TNKS: variants seen among roughly 807,000 people sequenced by gnomAD.
The protein encoded by TNKS is poly [ADP-ribose] polymerase tankyrase-1.
In TNKS, 72 loss-of-function variants were observed where a neutral mutation model predicts 135.8. The observed-to-expected ratio is 0.53, with a 90% CI of 0.44 to 0.64. TNKS has a LOEUF of 0.64. Ranked by LOEUF, TNKS falls within the 30% of genes least tolerant of loss-of-function variation. TNKS has a pLI of 0.00. For synonymous variants in TNKS, 849 were observed against 649.3 expected, an observed-to-expected ratio of 1.31 and a Z score of -4.68; for missense variants, 1,769 against 1,674.0, an observed-to-expected ratio of 1.06 and a Z score of -0.99.
At chr8:9,691,363 C>T (rs891024168) in intron 5 of TNKS, among the ~76,000 whole-genome samples, 1 of 152,172 alleles carries the variant, frequency 6.6e-6, no homozygotes, top group Non-Finnish European at 1.5e-5. Flanking sequence ...AACAGTCACA[C>T]TGTCATTATT....
rs181365748 is a variant in TNKS, at chr8:9,642,040, T to A, written c.994+26363T>A. Among the ~76,000 whole-genome samples, 5 of 146,514 alleles carry A rather than the reference T, an allele frequency of 3.4e-5. 2 individuals carry two copies. Among genetic ancestry groups the A allele is most frequent in the African/African-American group, 5.0e-5 (2 of 39,648 alleles). ...AACAGTTGCTTCTTTACAAGCTTGA[T>A]GTAGAAGTGTTTGGCTTAAATCTTT... On this transcript the variant is annotated intron_variant, in intron 3 of 26. Coordinates refer to ENST00000310430, the MANE Select transcript of TNKS (RefSeq NM_003747.3).
chr8:9,773,244 TA>T (rs1808042314), intron 26 of TNKS, among the ~76,000 whole-genome samples: 1 of 152,074 alleles, frequency 6.6e-6, no homozygotes, highest in African/African-American at 2.4e-5. Flanking sequence ...CTTATCACAA[TA>T]AAAAATTTAA....
intron 3 of TNKS, among the ~76,000 whole-genome samples, chr8:9,654,941 G>A (rs544605937): frequency 6.6e-6 from 1 of 152,312 alleles, no homozygotes; most frequent in South Asian, 2.1e-4. Context: ...GCCGAAGCAG[G>A]GTGAGGCATC....
At position 9,730,931 on chromosome 8, in the gene TNKS, G is replaced by A. The variant is rs760815674; in HGVS notation, c.2043G>A (p.Glu681=). The A allele has an allele frequency of 6.2e-7, 1 of 1,614,030 alleles. No homozygotes were observed. ...AAAATGTGAATTGTAGAGACTTAGAGGGCCGGCATTCCACGCCCTTACACT... is the reference window on the plus strand; with the variant it reads ...AAAATGTGAATTGTAGAGACTTAGAAGGCCGGCATTCCACGCCCTTACACT... ...SSQNVNCRDL[E]GRHSTPLHFA... is the part of the protein sequence containing the mutation. Residue 681 remains glutamate, a synonymous_variant, in exon 14 of 27, where the codon GAG becomes GAA. Transcript: ENST00000310430.
At chr8:9,621,823 T>G (rs909942890) in intron 3 of TNKS, among the ~76,000 whole-genome samples, 6 of 152,184 alleles carry the variant, frequency 3.9e-5, no homozygotes, top group African/African-American at 1.4e-4. Flanking sequence ...AAATCTTACC[T>G]TACTTATTAA....
chr8:9,669,198 C>T (rs1406902400), intron 3 of TNKS, among the ~76,000 whole-genome samples: 1 of 150,740 alleles, frequency 6.6e-6, no homozygotes, highest in East Asian at 1.9e-4. Flanking sequence ...GCGGGTGGAT[C>T]ATGAGGTCAG....
At chr8:9,661,650 A>G (rs1801718297) in intron 3 of TNKS, among the ~76,000 whole-genome samples, 1 of 152,316 alleles carries the variant, frequency 6.6e-6, no homozygotes, top group South Asian at 2.1e-4. Context: ...AACCTAGGCA[A>G]TACCATTCGG....
At chr8:9,606,888 C>G (rs1259631809) in intron 2 of TNKS, among the ~76,000 whole-genome samples, 1 of 152,008 alleles carries the variant, frequency 6.6e-6, no homozygotes, top group African/African-American at 2.4e-5. Flanking sequence ...TGGTTTTAAG[C>G]TTTGTTAGTG....
intron 8 of TNKS, among the ~76,000 whole-genome samples, chr8:9,707,908 G>A (rs560798203): frequency 6.6e-5 from 10 of 152,278 alleles, no homozygotes; most frequent in African/African-American, 2.4e-4. Flanking sequence ...GGTGGCAATA[G>A]TAGTAGCAAG....
intron 1 of TNKS, among the ~76,000 whole-genome samples, chr8:9,574,125 G>C (rs1797857367): frequency 6.6e-6 from 1 of 152,208 alleles, no homozygotes; most frequent in South Asian, 2.1e-4. Context: ...TTCACTGCCA[G>C]CACACCACAT....
chr8:9,601,128 A>G (rs1247730591), intron 2 of TNKS, among the ~76,000 whole-genome samples: 1 of 152,246 alleles, frequency 6.6e-6, no homozygotes, highest in African/African-American at 2.4e-5. Context: ...TATGTAATAA[A>G]TACTAAAACA....
At chr8:9,569,474 G>A (rs1334731630) in intron 1 of TNKS, among the ~76,000 whole-genome samples, 2 of 152,140 alleles carry the variant, frequency 1.3e-5, no homozygotes, top group Admixed American at 6.5e-5. Context: ...TATATAGTCA[G>A]TACTATTTTG....
intron 17 of TNKS, among the ~76,000 whole-genome samples, chr8:9,743,799 G>T (rs979633760): frequency 3.3e-5 from 5 of 152,134 alleles, no homozygotes; most frequent in Admixed American, 6.5e-5. Flanking sequence ...CACAGTTCCT[G>T]TACTAAGCCA....
chr8:9,566,515 T>C (rs1797546960), intron 1 of TNKS: 1 of 152,088 alleles, frequency 6.6e-6, no homozygotes. Flanking sequence ...AAGTAAACTT[T>C]TTGAGTTAAC....
chr8:9,696,191 T>C (rs1022462642), intron 5 of TNKS, among the ~76,000 whole-genome samples: 2 of 151,986 alleles, frequency 1.3e-5, no homozygotes, highest in Non-Finnish European at 2.9e-5. Context: ...TTAGACAATG[T>C]AGAAAAGAGG....
intron 1 of TNKS, among the ~76,000 whole-genome samples, chr8:9,559,597 C>A (rs879357779): frequency 6.6e-6 from 1 of 151,942 alleles, no homozygotes; most frequent in Admixed American, 6.6e-5. Flanking sequence ...CAGCCTCCCC[C>A]ATCCCTACCC....
intron 3 of TNKS, among the ~76,000 whole-genome samples, chr8:9,678,022 G>A (rs759865465): frequency 6.6e-6 from 1 of 152,020 alleles, no homozygotes; most frequent in Non-Finnish European, 1.5e-5. Flanking sequence ...ATTTACACTG[G>A]CTGGTAAGCT....
At chr8:9,613,222 G>T (rs1799526311) in intron 2 of TNKS, among the ~76,000 whole-genome samples, 1 of 152,220 alleles carries the variant, frequency 6.6e-6, no homozygotes, top group South Asian at 2.1e-4. Flanking sequence ...AGAGTTAGCT[G>T]ACCCCTGCCC....
Position 9,556,071 on chromosome 8 carries a change from C to G in TNKS, c.132C>G (p.Thr44=), listed in dbSNP as rs770602401. ...PLSPGLAPGT[T]PASPTASGLA... ...GCCCTGGCCTGGCCCCGGGGACCAC[C>G]CCAGCCTCTCCCACGGCCAGCGGCC... Residue 44 remains threonine, a synonymous_variant, in exon 1 of 27, where the codon ACC becomes ACG. Coordinates refer to ENST00000310430, the MANE Select transcript of TNKS (RefSeq NM_003747.3). 6 of 1,606,568 alleles carry G rather than the reference C, an allele frequency of 3.7e-6. No individual in the cohort carries two copies. The highest frequency in any genetic ancestry group is 1.1e-5 in the South Asian group (1 of 90,568).
Sources: gnomAD v4.1 joint callset for allele counts (sites outside exome capture counted in the v4.1 genomes callset) on GRCh38, gnomAD v4.1.1 for gene constraint, MANE v1.5 for transcripts, NCBI Gene and HGNC (gene_info 2026-07-23, HGNC 2026-07-21) for gene names.